The following PDE1C variants were observed in gnomAD, a reference collection of about 807,000 sequenced individuals.
PDE1C encodes the protein dual specificity calcium/calmodulin-dependent 3',5'-cyclic nucleotide phosphodiesterase 1C.
Under a neutral mutation model 93.1 loss-of-function variants are expected in PDE1C, and 62 were observed. The ratio of observed to expected loss-of-function variants is 0.67; its 90% CI spans 0.54 to 0.82. The LOEUF (loss-of-function observed/expected upper bound fraction) is 0.82. PDE1C is among the 40% of genes least tolerant of loss of function. The pLI, the probability that PDE1C is intolerant of heterozygous loss-of-function variation, is 0.00. For missense variants in PDE1C, 742 were observed against 884.6 expected (o/e 0.84, Z 2.04); for synonymous variants, 325 against 310.1 (o/e 1.05, Z -0.50).
At chr7:31,956,249 A>C (rs1395080198) in intron 2 of PDE1C, among the ~76,000 whole-genome samples, 3 of 151,912 alleles carry the variant, frequency 2.0e-5, no homozygotes, top group African/African-American at 4.8e-5. Context: ...GTGCACCACC[A>C]CGCCCAGCTA....
intron 2 of PDE1C, among the ~76,000 whole-genome samples, chr7:32,043,284 C>A (rs888201231): frequency 1.3e-5 from 2 of 152,116 alleles, no homozygotes; most frequent in African/African-American, 4.8e-5. Flanking sequence ...GAACTTGGCC[C>A]CAGCATGGCG....
At chr7:32,289,917 A>G (rs1181340782) in intron 1 of PDE1C, among the ~76,000 whole-genome samples, 6 of 152,174 alleles carry the variant, frequency 3.9e-5, no homozygotes, top group African/African-American at 1.2e-4. Flanking sequence ...CAATTCCTGC[A>G]ATGTGGTTTC....
chr7:32,186,718 G>T (rs1803910744), intron 2 of PDE1C, among the ~76,000 whole-genome samples: 1 of 152,070 alleles, frequency 6.6e-6, no homozygotes, highest in African/African-American at 2.4e-5. Flanking sequence ...AGTATAGTCA[G>T]AGAGTATGTC....
the PDE1C span, among the ~76,000 whole-genome samples, chr7:31,732,081 G>A: frequency 2.0e-5 from 3 of 152,348 alleles, no homozygotes; most frequent in Admixed American, 6.5e-5. Flanking sequence ...CTGGTTGTGC[G>A]GCCCCGCACA....
chr7:32,117,756 C>G (rs1018491660), intron 3 of PDE1C, among the ~76,000 whole-genome samples: 1 of 152,184 alleles, frequency 6.6e-6, no homozygotes, highest in Non-Finnish European at 1.5e-5. Context: ...AAATCTACTG[C>G]TCACTTTTCT....
intron 17 of PDE1C, among the ~76,000 whole-genome samples, chr7:31,774,417 A>C (rs1795700145): frequency 6.6e-6 from 1 of 152,252 alleles, no homozygotes; most frequent in Non-Finnish European, 1.5e-5. Context: ...TGAAATGGAC[A>C]AACTCACACT....
At chr7:32,357,955 C>A (rs1445323599) in intron 1 of PDE1C, among the ~76,000 whole-genome samples, 1 of 152,152 alleles carries the variant, frequency 6.6e-6, no homozygotes, top group Non-Finnish European at 1.5e-5. Flanking sequence ...ATCTAATTTG[C>A]AATTCTAAAG....
chr7:32,237,967 T>A (rs574158029), intron 1 of PDE1C, among the ~76,000 whole-genome samples: 32 of 151,640 alleles, frequency 2.1e-4, no homozygotes, highest in Middle Eastern at 3.4e-3. Flanking sequence ...ATGGGGTTTC[T>A]CCATGTTGGT....
chr7:31,637,004 C>A, the PDE1C span, among the ~76,000 whole-genome samples: 66 of 150,946 alleles, frequency 4.4e-4, no homozygotes, highest in Middle Eastern at 0.01. Context: ...TTCATCCTTG[C>A]GATAGTTTGC....
chr7:31,827,594 T>TA (rs1002583859), intron 12 of PDE1C, among the ~76,000 whole-genome samples: 18 of 152,134 alleles, frequency 1.2e-4, no homozygotes, highest in South Asian at 2.1e-4. Context: ...ATATACATTA[T>TA]AAAAAAAGCA....
chr7:32,328,543 C>A (rs1585111206), intron 1 of PDE1C, among the ~76,000 whole-genome samples: 1 of 152,154 alleles, frequency 6.6e-6, no homozygotes, highest in African/African-American at 2.4e-5. Context: ...GACACACTGC[C>A]TCCTTCCTCT....
chr7:32,367,857 T>C (rs1784254936), intron 1 of PDE1C, among the ~76,000 whole-genome samples: 1 of 151,958 alleles, frequency 6.6e-6, no homozygotes, highest in South Asian at 2.1e-4. Flanking sequence ...GTAGAAGGAT[T>C]GCTTGAGCCC....
intron 2 of PDE1C, among the ~76,000 whole-genome samples, chr7:32,186,217 C>T (rs1468896015): frequency 4.6e-5 from 7 of 152,016 alleles, no homozygotes; most frequent in Admixed American, 3.3e-4. Context: ...ATTCTCCTGC[C>T]TCAGCCTCCC....
chr7:32,381,002 C>T (rs1784524576), intron 1 of PDE1C, among the ~76,000 whole-genome samples: 1 of 152,052 alleles, frequency 6.6e-6, no homozygotes, highest in South Asian at 2.1e-4. Context: ...AAGCATAACA[C>T]ATCCAAAACA....
chr7:32,313,615 A>G (rs188686627), intron 1 of PDE1C, among the ~76,000 whole-genome samples: 51 of 152,218 alleles, frequency 3.4e-4, no homozygotes, highest in African/African-American at 1.0e-3. Context: ...GACACGGATG[A>G]AACTGGAAAC....
chr7:31,619,720 A>G, the PDE1C span, among the ~76,000 whole-genome samples: 148,443 of 152,140 alleles, frequency 0.98, 72,431 homozygotes, highest in East Asian at 0.99. Flanking sequence ...CTGAGGTACC[A>G]GTTCCATCTC....
At chr7:32,300,704 G>A (rs184215744), upstream of PDE1C, among the ~76,000 whole-genome samples, 24 of 152,204 alleles carry the variant, frequency 1.6e-4, no homozygotes, top group East Asian at 4.2e-3. Context: ...TAGACTGCAC[G>A]GAAAATTCTT....
chr7:32,336,212 T>C (rs1399574873), intron 1 of PDE1C, among the ~76,000 whole-genome samples: 1 of 152,110 alleles, frequency 6.6e-6, no homozygotes, highest in African/African-American at 2.4e-5. Flanking sequence ...AAAATGTGGG[T>C]GGAGTTCCAT....
rs534521232 is a variant in PDE1C, at chr7:31,926,417, T to C, written c.129-45557A>G. 5.8e-4 allele frequency among the ~76,000 whole-genome samples: 88 copies of C among 152,342 alleles called. 1 individual carries two copies. The highest frequency in any genetic ancestry group is 2.0e-3 in the African/African-American group (85 of 41,572). ...TTGTGGAATATAAGTGCATTAAATA[T>C]GTGTTGAATGTGAACGCAAACCTAT... On this transcript the variant is annotated intron_variant, in intron 2 of 17. Transcript: ENST00000396191.
Sources: gnomAD v4.1 joint callset for allele counts (sites outside exome capture counted in the v4.1 genomes callset) on GRCh38, gnomAD v4.1.1 for gene constraint, MANE v1.5 for transcripts, NCBI Gene and HGNC (gene_info 2026-07-23, HGNC 2026-07-21) for gene names.